Variants in GTF2IRD2B observed in about 807,000 individuals in gnomAD.
The protein encoded by GTF2IRD2B is general transcription factor II-I repeat domain-containing protein 2B.
In GTF2IRD2B, 10 loss-of-function variants were observed where a neutral mutation model predicts 55.6. That is an observed-to-expected ratio of 0.18 (90% CI 0.11 to 0.31). The LOEUF is 0.31. GTF2IRD2B is among the 10% of genes least tolerant of loss of function. The probability of loss-of-function intolerance (pLI) is 1.00; values close to 1 mark genes in which losing one functional copy is unlikely to be tolerated. For synonymous variants in GTF2IRD2B, 107 were observed against 320.5 expected, an observed-to-expected ratio of 0.33 and a Z score of 7.12; for missense variants, 206 against 802.7, an observed-to-expected ratio of 0.26 and a Z score of 8.98.
Position 75,123,531 on chromosome 7 carries a change from C to G in GTF2IRD2B, c.571+15C>G, listed in dbSNP as rs1200190631. ...GAGTCAGCTGGGTAAGTGACAGCTT[C>G]TCAGGTTTGGTGGCTCTTCTGAGCT... On this transcript the variant is annotated intron_variant, in intron 6 of 15. Coordinates refer to ENST00000472837, the MANE Select transcript of GTF2IRD2B (RefSeq NM_001003795.3). 7.6e-6 allele frequency: 5 copies of G among 661,150 alleles called. No homozygotes were observed. Among genetic ancestry groups the G allele is most frequent in the Non-Finnish European group, 1.3e-5 (5 of 376,088 alleles). 41.0% of individuals were successfully genotyped at this position (661,150 alleles called of 1,614,324 possible). A position where few individuals can be genotyped will look rare whatever the true frequency, so the allele number is the denominator to read the frequency against.
chr7:75,121,193 C>A (rs1554536547), intron 4 of GTF2IRD2B, among the ~76,000 whole-genome samples, 183 bp downstream of exon 4: 1 of 150,570 alleles, frequency 6.6e-6, no homozygotes, highest in Non-Finnish European at 1.5e-5. Flanking sequence ...CCCACCACCA[C>A]ACCCAGCTAA....
chr7:75,145,680 C>G (rs1446531883), intron 15 of GTF2IRD2B, among the ~76,000 whole-genome samples: 1 of 144,658 alleles, frequency 6.9e-6, no homozygotes. Context: ...TTGCAGTGAG[C>G]TGAGATCGTG....
chr7:75,113,781 G>GGTGTGTGTGTGTGTGTGTGTGT (rs71519356), intron 3 of GTF2IRD2B, among the ~76,000 whole-genome samples: 3 of 80,018 alleles, frequency 3.7e-5, no homozygotes, highest in African/African-American at 1.1e-4. Context: ...AGGGTATAAG[G>GGTGTGTGTGTGTGTGTGTGTGT]GTGTGTGTGT....
In GTF2IRD2B at chr7:75,126,952, A is replaced by G. The variant is rs2655940; in HGVS notation, c.670+567A>G. 8.0e-3 allele frequency among the ~76,000 whole-genome samples: 1,192 copies of G among 149,430 alleles called. 25 individuals carry two copies. Among genetic ancestry groups the G allele is most frequent in the African/African-American group, 0.027 (1,113 of 40,956 alleles). On this transcript the variant is annotated intron_variant, in intron 8 of 15. Transcript: ENST00000472837. ...GTGGAGGTTGCAGTGAGCCAAGATC[A>G]CACCACTGCACTCCACCTTGGGCTA... is the stretch of plus-strand genomic sequence containing the variant.
At chr7:75,121,136 A>C in intron 4 of GTF2IRD2B, 126 bp downstream of exon 4, 1 of 898,332 alleles carries the variant, frequency 1.1e-6, no homozygotes, top group African/African-American at 1.7e-5. Flanking sequence ...TCCTGGGTTC[A>C]AGCAATTCTC....
At chr7:75,130,126 T>TTTC (rs1808622469) in intron 8 of GTF2IRD2B, among the ~76,000 whole-genome samples, 1 of 111,418 alleles carries the variant, frequency 9.0e-6, no homozygotes, top group African/African-American at 3.3e-5. Context: ...TCTTTCTTTC[T>TTTC]TTCTTTCTTT....
At chr7:75,127,495 G>A (rs1554535648) in intron 8 of GTF2IRD2B, among the ~76,000 whole-genome samples, 2 of 144,562 alleles carry the variant, frequency 1.4e-5, no homozygotes, top group Non-Finnish European at 1.5e-5. Context: ...AAAAAAAAGA[G>A]AGAGAGAGAG....
chr7:75,096,993 A>G (rs1807399408), intron 1 of GTF2IRD2B, among the ~76,000 whole-genome samples: 1 of 86,060 alleles, frequency 1.2e-5, no homozygotes, highest in Non-Finnish European at 2.2e-5. Flanking sequence ...ACAAAAAACA[A>G]CAACAAAAAA....
In GTF2IRD2B at chr7:75,149,553, G is replaced by C; in HGVS notation, c.*256G>C. 2.2e-6 allele frequency: 1 copy of C among 449,760 alleles called. No homozygotes were observed. The highest frequency in any genetic ancestry group is 4.1e-6 in the Non-Finnish European group (1 of 243,434). The allele number at this position is 449,760 out of a possible 1,614,324, so 27.9% of individuals were successfully genotyped here. On this transcript the variant is annotated 3_prime_UTR_variant, in exon 16 of 16. Coordinates refer to ENST00000472837, the MANE Select transcript of GTF2IRD2B (RefSeq NM_001003795.3). ...GCGCCACCATGCCCGGCTAATTTTT[G>C]TATTAGTAGAGATGAGGTTTCACCA... is the stretch of plus-strand genomic sequence containing the variant.
rs1809115164 is a variant in GTF2IRD2B at position 75,145,455 on chromosome 7, C to T, written c.1246+1477C>T. ...TGTAACATTTGAAAACCAAAGTAGG[C>T]TGGGCGCGGTGACTCACACCTGTAA... is the stretch of plus-strand genomic sequence containing the variant. On this transcript the variant is annotated intron_variant, in intron 15 of 15. Coordinates refer to ENST00000472837, the MANE Select transcript of GTF2IRD2B (RefSeq NM_001003795.3). Among the ~76,000 whole-genome samples, 4 of 148,968 alleles carry T rather than the reference C, an allele frequency of 2.7e-5. No homozygotes were observed. The Admixed American group carries it at 2.7e-4, about 10-fold the overall frequency.
At chr7:75,107,303 C>T (rs1314698636) in intron 1 of GTF2IRD2B, among the ~76,000 whole-genome samples, 5 of 152,154 alleles carry the variant, frequency 3.3e-5, no homozygotes, top group East Asian at 1.9e-4. Flanking sequence ...GGGCCGGGCG[C>T]GGTGGCTCAC....
chr7:75,115,940 G>T (rs1808137292), intron 3 of GTF2IRD2B, among the ~76,000 whole-genome samples: 2 of 125,438 alleles, frequency 1.6e-5, no homozygotes, highest in Non-Finnish European at 1.7e-5. Flanking sequence ...TTTTTTGAGA[G>T]ACAGAGTCTT....
rs587719305 is a variant in GTF2IRD2B, at chr7:75,139,581, C to T, written c.949+554C>T. 1.9e-3 allele frequency among the ~76,000 whole-genome samples: 227 copies of T among 120,988 alleles called. 23 individuals carry two copies. Among genetic ancestry groups the T allele is most frequent in the African/African-American group, 7.8e-3 (201 of 25,820 alleles). 79.4% of individuals were successfully genotyped at this position (120,988 alleles called of 152,430 possible). A position where few individuals can be genotyped will look rare whatever the true frequency, so the allele number is the denominator to read the frequency against. On this transcript the variant is annotated intron_variant, in intron 12 of 15. Transcript: ENST00000472837. ...CCTGGGAGGTGGAGCTTGCAGTGAG[C>T]GGAGATCACACCACTGCACTCCAGC...
chr7:75,099,473 C>T (rs1272055574), intron 1 of GTF2IRD2B, among the ~76,000 whole-genome samples: 1 of 44,750 alleles, frequency 2.2e-5, no homozygotes, highest in Non-Finnish European at 4.3e-5. Flanking sequence ...GGCACGGTGG[C>T]TAACGCCTGT....
chr7:75,148,254 C>G lies in GTF2IRD2B; in HGVS notation c.1807C>G (p.Leu603Val), dbSNP rs587750642. 1.2e-6 allele frequency: 2 copies of G among 1,613,838 alleles called. No individual in the cohort carries two copies. Among genetic ancestry groups the G allele is most frequent in the East Asian group, 4.5e-5 (2 of 44,888 alleles). The change falls in exon 16 of 16, where the codon CTG becomes GTG. Residue 603 changes from leucine to valine, a missense_variant. By Grantham distance (32) the Leu-to-Val change is conservative. Coordinates refer to ENST00000472837, the MANE Select transcript of GTF2IRD2B (RefSeq NM_001003795.3). ...NEIFLRVEKS[L>V]KKFCINWSRL... ...GATCTTTTTGCGTGTTGAGAAGAGC[C>G]TGAAAAAGTTCTGTATCAACTGGTC...
chr7:75,149,343 G>A lies in GTF2IRD2B; in HGVS notation c.*46G>A, dbSNP rs782066921. The A allele has an allele frequency of 1.3e-6, 1 of 767,648 alleles. No individual in the cohort carries two copies. Among genetic ancestry groups the A allele is most frequent in the East Asian group, 2.4e-5 (1 of 41,198 alleles). 47.6% of individuals were successfully genotyped at this position (767,648 alleles called of 1,614,324 possible). ...GGGCCCTATGGTGGGAAAGGCTGGA[G>A]TCTTCTAGTCCCAAGGGATTGGGAG... On this transcript the variant is annotated 3_prime_UTR_variant, in exon 16 of 16. Transcript: ENST00000472837.
chr7:75,117,857 C>A (rs1363421748), intron 3 of GTF2IRD2B, among the ~76,000 whole-genome samples: 1 of 152,232 alleles, frequency 6.6e-6, no homozygotes, highest in African/African-American at 2.4e-5. Flanking sequence ...CTGAGGCTGG[C>A]GGATCACCTG....
At chr7:75,115,418 AT>A (rs1181600011) in intron 3 of GTF2IRD2B, among the ~76,000 whole-genome samples, 11 of 147,820 alleles carry the variant, frequency 7.4e-5, no homozygotes, top group South Asian at 2.1e-4. Flanking sequence ...TTCCATATGA[AT>A]TTTTTTTTAT....
chr7:75,140,551 GA>G (rs1808982912), intron 12 of GTF2IRD2B, among the ~76,000 whole-genome samples: 1 of 8,394 alleles, frequency 1.2e-4, no homozygotes, highest in African/African-American at 6.0e-4. Flanking sequence ...TTTTTTTTTT[GA>G]GACGGAGTCT....
Sources: gnomAD v4.1 joint callset for allele counts (sites outside exome capture counted in the v4.1 genomes callset) on GRCh38, gnomAD v4.1.1 for gene constraint, MANE v1.5 for transcripts, NCBI Gene and HGNC (gene_info 2026-07-23, HGNC 2026-07-21) for gene names.